The following SHISA9 variants were observed in gnomAD, a reference collection of about 807,000 sequenced individuals.
The protein encoded by SHISA9 is shisa family member 9, also known as protein shisa-9.
Under a neutral mutation model 38.0 loss-of-function variants are expected in SHISA9, and 13 were observed. That is an observed-to-expected ratio of 0.34 (90% CI 0.22 to 0.54). The LOEUF (loss-of-function observed/expected upper bound fraction) is 0.54, where lower values mean the gene tolerates loss of function less well. Ranked by LOEUF, SHISA9 falls within the 20% of genes least tolerant of loss-of-function variation. SHISA9 has a pLI of 0.91. For missense variants in SHISA9, 538 were observed against 575.8 expected (o/e 0.93, Z 0.67); for synonymous variants, 275 against 242.0 (o/e 1.14, Z -1.27).
At chr16:13,154,818 C>A (rs189329616) in intron 2 of SHISA9, among the ~76,000 whole-genome samples, 4 of 152,312 alleles carry the variant, frequency 2.6e-5, no homozygotes. Flanking sequence ...TGCTGTGAAT[C>A]TTAATTTTTC....
the SHISA9 span, among the ~76,000 whole-genome samples, chr16:13,490,571 A>G: frequency 1.3e-5 from 2 of 152,198 alleles, no homozygotes; most frequent in East Asian, 1.9e-4. Context: ...TCTCAAACAT[A>G]CATAAAGCAA....
intron 4 of SHISA9, 112 bp downstream of exon 4, chr16:13,213,412 G>A (rs1158237568): frequency 2.1e-6 from 2 of 946,292 alleles, no homozygotes; most frequent in South Asian, 1.6e-5. Context: ...ATGTGTGTCT[G>A]CATAGGGTGG....
chr16:13,500,900 C>T, the SHISA9 span, among the ~76,000 whole-genome samples: 1 of 152,150 alleles, frequency 6.6e-6, no homozygotes, highest in Admixed American at 6.5e-5. Flanking sequence ...AACTAAATTC[C>T]TCTGGAAGTT....
intron 2 of SHISA9, among the ~76,000 whole-genome samples, chr16:13,051,665 T>A (rs2141899555): frequency 6.6e-6 from 1 of 152,324 alleles, no homozygotes; most frequent in South Asian, 2.1e-4. Context: ...AAGTGAATGT[T>A]GAAAGCCAGC....
chr16:13,523,516 T>G, the SHISA9 span, among the ~76,000 whole-genome samples: 1 of 152,120 alleles, frequency 6.6e-6, no homozygotes, highest in Non-Finnish European at 1.5e-5. Context: ...ACAGGAAGCA[T>G]AGCAGCATCT....
At chr16:13,433,190 A>G in the SHISA9 span, among the ~76,000 whole-genome samples, 1 of 152,180 alleles carries the variant, frequency 6.6e-6, no homozygotes, top group South Asian at 2.1e-4. Flanking sequence ...CTTCTAGAAA[A>G]ATCAGTAGTG....
chr16:13,204,443 A>G (rs777717623), intron 3 of SHISA9, among the ~76,000 whole-genome samples: 28 of 151,934 alleles, frequency 1.8e-4, no homozygotes, highest in Admixed American at 7.9e-4. Flanking sequence ...TGACACTTTA[A>G]CCCCTTTACC....
intron 2 of SHISA9, among the ~76,000 whole-genome samples, chr16:13,067,565 G>A (rs1007658014): frequency 6.6e-6 from 1 of 152,342 alleles, no homozygotes; most frequent in Non-Finnish European, 1.5e-5. Context: ...AATTCCACCC[G>A]AGCCCAGGAG....
the SHISA9 span, among the ~76,000 whole-genome samples, chr16:13,385,270 G>C: frequency 6.6e-6 from 1 of 152,168 alleles, no homozygotes; most frequent in African/African-American, 2.4e-5. Context: ...AAACCTGCAA[G>C]AATCAGCAAT....
chr16:13,022,545 T>A (rs1283501829), intron 2 of SHISA9, among the ~76,000 whole-genome samples: 2 of 151,990 alleles, frequency 1.3e-5, no homozygotes, highest in Non-Finnish European at 2.9e-5. Context: ...TGGCCAGGCT[T>A]GTCTTGAACT....
the SHISA9 span, among the ~76,000 whole-genome samples, chr16:13,338,796 G>A: frequency 6.6e-6 from 1 of 152,138 alleles, no homozygotes; most frequent in Non-Finnish European, 1.5e-5. Context: ...CTGGCACTTT[G>A]AATACATAAT....
At chr16:13,043,609 G>A (rs572798739) in intron 2 of SHISA9, among the ~76,000 whole-genome samples, 11 of 152,148 alleles carry the variant, frequency 7.2e-5, no homozygotes, top group South Asian at 2.1e-4. Flanking sequence ...CTACTCCTGC[G>A]GTGGGAACTC....
chr16:13,374,353 C>T, the SHISA9 span, among the ~76,000 whole-genome samples: 3 of 152,216 alleles, frequency 2.0e-5, no homozygotes, highest in South Asian at 6.2e-4. Context: ...GTGTGATGTT[C>T]CCCACCTTGT....
intron 4 of SHISA9, among the ~76,000 whole-genome samples, chr16:13,233,803 G>A (rs903974680): frequency 2.0e-5 from 3 of 152,098 alleles, no homozygotes; most frequent in Non-Finnish European, 2.9e-5. Context: ...TTGAGCCCCG[G>A]AGTTCAAGAC....
chr16:13,282,203 A>T, the SHISA9 span, among the ~76,000 whole-genome samples: 1 of 151,964 alleles, frequency 6.6e-6, no homozygotes, highest in Non-Finnish European at 1.5e-5. Flanking sequence ...GTATTCTTCC[A>T]GGTATGATTT....
At chr16:13,223,949 G>A (rs188788022) in intron 4 of SHISA9, among the ~76,000 whole-genome samples, 3 of 152,300 alleles carry the variant, frequency 2.0e-5, no homozygotes, top group Admixed American at 6.5e-5. Flanking sequence ...TGAGGCAGTG[G>A]AGCCAGGTGT....
chr16:13,336,482 C>G, the SHISA9 span, among the ~76,000 whole-genome samples: 1 of 152,222 alleles, frequency 6.6e-6, no homozygotes, highest in Non-Finnish European at 1.5e-5. Flanking sequence ...GTGAATCATT[C>G]TGATCCCAGA....
intron 4 of SHISA9, among the ~76,000 whole-genome samples, chr16:13,229,573 G>A (rs993655503): frequency 1.3e-5 from 2 of 152,158 alleles, no homozygotes; most frequent in Admixed American, 6.5e-5. Context: ...CACAATCTCT[G>A]AAATTCTGAT....
chr16:13,371,003 A>T, the SHISA9 span, among the ~76,000 whole-genome samples: 3 of 152,190 alleles, frequency 2.0e-5, no homozygotes, highest in Admixed American at 1.3e-4. Flanking sequence ...AACGACAAAT[A>T]ATTTTTTACT....
Sources: gnomAD v4.1 joint callset for allele counts (sites outside exome capture counted in the v4.1 genomes callset) on GRCh38, gnomAD v4.1.1 for gene constraint, MANE v1.5 for transcripts, NCBI Gene and HGNC (gene_info 2026-07-23, HGNC 2026-07-21) for gene names.